SERPINA10: variants seen among roughly 807,000 people sequenced by gnomAD.
The protein encoded by SERPINA10 is serpin family A member 10, also known as protein Z-dependent protease inhibitor.
A neutral mutation model predicts 28.0 loss-of-function variants in SERPINA10; 24 were observed. That is an observed-to-expected ratio of 0.86 (90% CI 0.62 to 1.20). The LOEUF (loss-of-function observed/expected upper bound fraction) is 1.20. Ranked by LOEUF, SERPINA10 falls within the 50% of genes most tolerant of loss-of-function variation. The pLI, the probability that SERPINA10 is intolerant of heterozygous loss-of-function variation, is 0.00. For synonymous variants in SERPINA10, 207 were observed against 203.9 expected, an observed-to-expected ratio of 1.02 and a Z score of -0.13; for missense variants, 521 against 537.7, an observed-to-expected ratio of 0.97 and a Z score of 0.31.
At position 94,288,454 on chromosome 14, in the gene SERPINA10, A is replaced by G; in HGVS notation, c.824T>C (p.Phe275Ser). The change falls in exon 3 of 5, where the codon TTT (phenylalanine) becomes TCT (serine). Residue 275 changes from phenylalanine (F) to serine (S), a missense_variant. Physicochemically the swap from Phe to Ser is radical, Grantham distance 155. Coordinates refer to ENST00000261994, the MANE Select transcript of SERPINA10 (RefSeq NM_001100607.3). ...AAAATTCTTGTCAAAGGTGGAGGCA[A>G]ACTTGCCTGCACCGTACATCATGGG... Reference protein sequence around the residue: ...KVPMMYGAGKFASTFDKNFRC... With the variant: ...KVPMMYGAGKSASTFDKNFRC... 6.2e-7 allele frequency: 1 copy of G among 1,614,110 alleles called. No individual in the cohort carries two copies. Among genetic ancestry groups the G allele is most frequent in the Non-Finnish European group, 8.5e-7 (1 of 1,180,008 alleles).
At chr14:94,285,574 T>TAC (rs1228852700) in intron 4 of SERPINA10, among the ~76,000 whole-genome samples, 8 of 143,868 alleles carry the variant, frequency 5.6e-5, no homozygotes, top group Admixed American at 1.5e-4. Flanking sequence ...TACATATATA[T>TAC]ACACACATAT....
intron 3 of SERPINA10, 111 bp downstream of exon 3, chr14:94,288,175 T>C (rs146429155): frequency 1.4e-6 from 2 of 1,461,804 alleles, no homozygotes; most frequent in African/African-American, 2.8e-5. Context: ...TTCAGGAAAC[T>C]TATAGCTCAC....
At chr14:94,289,736 G>A in intron 2 of SERPINA10, 140 bp downstream of exon 2, 1 of 926,256 alleles carries the variant, frequency 1.1e-6, no homozygotes. Flanking sequence ...TTCAATATGT[G>A]TATCAATCTG....
In SERPINA10 at chr14:94,284,020, T is replaced by C. The variant is rs770431379; in HGVS notation, c.1280A>G (p.Glu427Gly). Residue 427 changes from glutamate to glycine, a missense_variant, in exon 5 of 5, where the codon GAA becomes GGA. Transcript: ENST00000261994. Reference sequence around the variant, plus strand: ...CAGAAACAGAAGCATTCCAGAGGTTTCTTCATAGATCATGAAATGAAATGG... The same window carrying C: ...CAGAAACAGAAGCATTCCAGAGGTTCCTTCATAGATCATGAAATGAAATGG... ...DRPFHFMIYE[E>G]TSGMLLFLGR... is the part of the protein sequence containing the mutation. The C allele has an allele frequency of 3.2e-5, 52 of 1,614,066 alleles. No homozygotes were observed. Among genetic ancestry groups the C allele is most frequent in the Non-Finnish European group, 4.4e-5 (52 of 1,180,032 alleles).
chr14:94,288,136 G>A (rs1396836662), intron 3 of SERPINA10, 150 bp downstream of exon 3: 2 of 1,030,626 alleles, frequency 1.9e-6, no homozygotes, highest in Non-Finnish European at 3.0e-6. Context: ...TGGGGATAGA[G>A]TGGAAAAAAA....
rs1253112201 is a variant in SERPINA10, at chr14:94,281,043, T to C, written c.*2922A>G. 1 of 152,182 alleles carries C rather than the reference T, an allele frequency of 6.6e-6. No homozygotes were observed. The highest frequency in any genetic ancestry group is 2.4e-5 in the African/African-American group (1 of 41,446). The allele number at this position is 152,182 out of a possible 1,614,324, so 9.4% of individuals were successfully genotyped here. On this transcript the variant is annotated 3_prime_UTR_variant, in exon 5 of 5. Coordinates refer to ENST00000261994, the MANE Select transcript of SERPINA10 (RefSeq NM_001100607.3). ...TGGAGTGGAAGTTTTACAATGAAGATAGAATGAATTAGATTAAGTCAGTAA... is the reference window on the plus strand; with the variant it reads ...TGGAGTGGAAGTTTTACAATGAAGACAGAATGAATTAGATTAAGTCAGTAA...
In SERPINA10 at chr14:94,290,641, T is replaced by C; in HGVS notation, c.-48A>G. ...GAGTGCCTCCCTTCAGCTGCAAGACTTCCTGTGGAGAGGAGAGGATAGAGA... is the reference window on the plus strand; with the variant it reads ...GAGTGCCTCCCTTCAGCTGCAAGACCTCCTGTGGAGAGGAGAGGATAGAGA... On this transcript the variant is annotated splice_region_variant and 5_prime_UTR_variant, in exon 2 of 5. Coordinates refer to ENST00000261994, the MANE Select transcript of SERPINA10 (RefSeq NM_001100607.3). 6.2e-7 allele frequency: 1 copy of C among 1,607,098 alleles called. No homozygotes were observed.
At chr14:94,288,797 C>A (rs1230812678) in intron 2 of SERPINA10, among the ~76,000 whole-genome samples, 4 of 152,228 alleles carry the variant, frequency 2.6e-5, no homozygotes, top group Admixed American at 2.6e-4. Flanking sequence ...GCTCCACTCG[C>A]AGGCCCTATT....
At chr14:94,286,341 T>C (rs911024336) in intron 3 of SERPINA10, 83 bp from the exon 4 acceptor site, 2 of 1,484,236 alleles carry the variant, frequency 1.3e-6, no homozygotes, top group Non-Finnish European at 1.9e-6. Context: ...TTTTGTTCTT[T>C]AAGATTATTT....
At chr14:94,293,093 C>T in intron 1 of SERPINA10, 96 bp downstream of exon 1, 1 of 179,340 alleles carries the variant, frequency 5.6e-6, no homozygotes, top group East Asian at 1.3e-4. Context: ...AGCCACACAG[C>T]CCTCACGTTG....
Position 94,288,343 on chromosome 14 carries a change from A to C in SERPINA10, c.935T>G (p.Leu312Arg). ...CAAGTCTGTGGTCAGGTAGTCTTCA[A>C]GGGCGAGGTGGTCACCCATTTTCTC... is the stretch of plus-strand genomic sequence containing the variant. ...LMEKMGDHLALEDYLTTDLVE... is the reference protein window; with the variant it reads ...LMEKMGDHLAREDYLTTDLVE... Residue 312 changes from leucine to arginine, a missense_variant, in exon 3 of 5, where the codon CTT becomes CGT. Leu to Arg is a moderately radical substitution (Grantham distance 102). Coordinates refer to ENST00000261994, the MANE Select transcript of SERPINA10 (RefSeq NM_001100607.3). 1 of 1,614,166 alleles carries C rather than the reference A, an allele frequency of 6.2e-7. No homozygotes were observed. Among genetic ancestry groups the C allele is most frequent in the Non-Finnish European group, 8.5e-7 (1 of 1,180,030 alleles).
chr14:94,285,726 G>A (rs889193720), intron 4 of SERPINA10, among the ~76,000 whole-genome samples: 3 of 151,884 alleles, frequency 2.0e-5, no homozygotes, highest in African/African-American at 4.8e-5. Context: ...ATTTCCACAA[G>A]GAGGGAGAAG....
chr14:94,290,995 C>A (rs1394967695), intron 1 of SERPINA10, among the ~76,000 whole-genome samples: 2 of 152,104 alleles, frequency 1.3e-5, no homozygotes, highest in African/African-American at 2.4e-5. Context: ...AATCAGGGGT[C>A]CTCACACACC....
At chr14:94,285,026 G>T (rs1406393482) in intron 4 of SERPINA10, among the ~76,000 whole-genome samples, 2 of 152,138 alleles carry the variant, frequency 1.3e-5, no homozygotes, top group Non-Finnish European at 2.9e-5. Flanking sequence ...CTCTCTTGAG[G>T]TTGTAAGACC....
At chr14:94,288,245 A>G in intron 3 of SERPINA10, 41 bp downstream of exon 3, 1 of 1,611,922 alleles carries the variant, frequency 6.2e-7, no homozygotes, top group Admixed American at 1.7e-5. Flanking sequence ...TTGCCAGTAC[A>G]GAAAGGTAGA....
At position 94,283,997 on chromosome 14, in the gene SERPINA10, G is replaced by A. The variant is rs1566716540; in HGVS notation, c.1303C>T (p.Leu435=). The A allele has an allele frequency of 1.2e-6, 2 of 1,614,076 alleles. No homozygotes were observed. The highest frequency in any genetic ancestry group is 1.1e-5 in the South Asian group (1 of 91,080). The change falls in exon 5 of 5, where the codon CTG becomes TTG. Residue 435 remains leucine (L), a synonymous_variant. Transcript: ENST00000261994. Reference sequence around the variant, plus strand: ...AGAGTCGGATTCACCACCCTGCCCAGAAACAGAAGCATTCCAGAGGTTTCT... The same window carrying A: ...AGAGTCGGATTCACCACCCTGCCCAAAAACAGAAGCATTCCAGAGGTTTCT... ...YEETSGMLLF[L]GRVVNPTLL is the part of the protein sequence containing the mutation.
Position 94,289,570 on chromosome 14 carries a change from TAAATCCCCCAGA to T in SERPINA10, c.718+294_718+305del, listed in dbSNP as rs541872112. Among the ~76,000 whole-genome samples the T allele has an allele frequency of 3.0e-3, 460 of 152,284 alleles. 2 individuals are homozygous for T. Among genetic ancestry groups the T allele is most frequent in the Non-Finnish European group, 5.2e-3 (352 of 68,016 alleles). On this transcript the variant is annotated intron_variant, in intron 2 of 4. Transcript: ENST00000261994. ...AAATGAAGGAGCAATGATGCAATCC[TAAATCCCCCAGA>T]TAATCCCCCAGCCCCCTGTTTTTTG...
At chr14:94,286,949 G>A (rs1159565951) in intron 3 of SERPINA10, among the ~76,000 whole-genome samples, 1 of 152,144 alleles carries the variant, frequency 6.6e-6, no homozygotes, top group Non-Finnish European at 1.5e-5. Context: ...AACTAACCCT[G>A]GGGACCTTTA....
In SERPINA10 at chr14:94,290,117, G is replaced by T. The variant is rs759778038; in HGVS notation, c.477C>A (p.Gly159=). Residue 159 remains glycine (G), a synonymous_variant, in exon 2 of 5, where the codon GGC becomes GGA. Coordinates refer to ENST00000261994, the MANE Select transcript of SERPINA10 (RefSeq NM_001100607.3). The part of the protein sequence containing the change: ...RETLSRNLEL[G]LTQGSFAFIH... ...TGAAGGCAAAACTCCCCTGTGTGAG[G>T]CCCAGTTCCAGGTTGCGGGAGAGGG... The T allele has an allele frequency of 6.2e-7, 1 of 1,614,160 alleles. No homozygotes were observed. The highest frequency in any genetic ancestry group is 1.1e-5 in the South Asian group (1 of 91,080).
Sources: allele counts gnomAD v4.1 joint callset (sites outside exome capture counted in the v4.1 genomes callset), GRCh38; gene constraint gnomAD v4.1.1; transcripts MANE v1.5; gene names NCBI Gene and HGNC (gene_info 2026-07-23, HGNC 2026-07-21).